Variants in NLGN1 observed in about 807,000 individuals in gnomAD.
NLGN1 encodes neuroligin 1.
A neutral mutation model predicts 65.5 loss-of-function variants in NLGN1; 12 were observed. The observed-to-expected ratio is 0.18, with a 90% CI of 0.12 to 0.30. NLGN1 has a LOEUF of 0.30. Ranked by LOEUF, NLGN1 falls within the 10% of genes least tolerant of loss-of-function variation. The pLI is 1.00. For missense variants in NLGN1, 750 were observed against 1,007.1 expected, an observed-to-expected ratio of 0.74 and a Z score of 3.46; for synonymous variants, 350 against 359.5, an observed-to-expected ratio of 0.97 and a Z score of 0.30.
chr3:173,518,161 C>A (rs961409972), intron 2 of NLGN1, among the ~76,000 whole-genome samples: 1 of 152,154 alleles, frequency 6.6e-6, no homozygotes, highest in Non-Finnish European at 1.5e-5. Context: ...CAGTGTGTTA[C>A]CAGACAAATT....
chr3:173,732,278 A>G (rs374736088), intron 3 of NLGN1, among the ~76,000 whole-genome samples: 1 of 152,266 alleles, frequency 6.6e-6, no homozygotes. Context: ...CCACTCTGAT[A>G]CAGTGTGAGG....
chr3:173,557,685 A>G (rs895040937), intron 2 of NLGN1, among the ~76,000 whole-genome samples: 1 of 152,120 alleles, frequency 6.6e-6, no homozygotes, highest in African/African-American at 2.4e-5. Flanking sequence ...ACCACTTCAC[A>G]TATAATACCA....
chr3:174,009,981 A>G (rs989534983), intron 4 of NLGN1, among the ~76,000 whole-genome samples: 15 of 152,188 alleles, frequency 9.9e-5, no homozygotes, highest in African/African-American at 3.6e-4. Context: ...TGGTAAGGTT[A>G]GAGAGAAGAT....
chr3:174,195,698 T>C (rs1733280623), intron 4 of NLGN1, among the ~76,000 whole-genome samples: 1 of 152,136 alleles, frequency 6.6e-6, no homozygotes, highest in African/African-American at 2.4e-5. Context: ...CATGCTTCAC[T>C]AAGTTGGAAG....
At chr3:173,661,388 A>G (rs754275297) in intron 3 of NLGN1, among the ~76,000 whole-genome samples, 30 of 151,970 alleles carry the variant, frequency 2.0e-4, no homozygotes, top group Non-Finnish European at 3.4e-4. Context: ...TCCATGGCTC[A>G]TAGGTGGGAG....
intron 3 of NLGN1, chr3:173,685,921 T>C: frequency 3.5e-6 from 2 of 566,420 alleles, no homozygotes; most frequent in Non-Finnish European, 4.5e-6. Context: ...AAAACCTGAA[T>C]TTATGATGTG....
At chr3:173,852,754 T>A (rs1727220751) in intron 4 of NLGN1, among the ~76,000 whole-genome samples, 2 of 152,200 alleles carry the variant, frequency 1.3e-5, no homozygotes, top group African/African-American at 4.8e-5. Context: ...ACATTTTCTA[T>A]ATTCTAGTGG....
chr3:173,434,890 C>T (rs1300161672), intron 1 of NLGN1: 1 of 152,578 alleles, frequency 6.6e-6, no homozygotes, highest in East Asian at 1.9e-4. Context: ...GTCATTTGGT[C>T]TAATGTAAAA....
intron 3 of NLGN1, among the ~76,000 whole-genome samples, chr3:173,734,659 C>T (rs1303147575): frequency 6.6e-6 from 1 of 151,886 alleles, no homozygotes; most frequent in African/African-American, 2.4e-5. Context: ...CTGCTTCTGC[C>T]TTCCAAAGTG....
exon 3 of NLGN1, chr3:173,604,336 C>T: frequency 2.3e-6 from 1 of 440,026 alleles, no homozygotes; most frequent in Middle Eastern, 5.9e-4. Flanking sequence ...GCAGTCAATG[C>T]CCACTCTTGC....
chr3:173,975,996 AT>A (rs1366966736), intron 4 of NLGN1, among the ~76,000 whole-genome samples: 1 of 152,020 alleles, frequency 6.6e-6, no homozygotes, highest in Non-Finnish European at 1.5e-5. Flanking sequence ...CTAACTGACT[AT>A]TTATCTACTA....
chr3:174,195,089 G>A (rs923067659), intron 4 of NLGN1, among the ~76,000 whole-genome samples: 1 of 151,994 alleles, frequency 6.6e-6, no homozygotes, highest in African/African-American at 2.4e-5. Context: ...TCGAACTCCC[G>A]ACCTCAGGTC....
intron 2 of NLGN1, among the ~76,000 whole-genome samples, chr3:173,506,646 A>C (rs1560355270): frequency 6.6e-6 from 1 of 152,118 alleles, no homozygotes; most frequent in Non-Finnish European, 1.5e-5. Context: ...GAGACATATA[A>C]ATACCCATAT....
chr3:174,211,027 C>T (rs1217003558), intron 4 of NLGN1, among the ~76,000 whole-genome samples: 1 of 152,070 alleles, frequency 6.6e-6, no homozygotes. Flanking sequence ...GGAGTCTGTC[C>T]CTTCTGATGT....
intron 3 of NLGN1, among the ~76,000 whole-genome samples, chr3:173,643,465 TAGC>T (rs1757728593): frequency 6.6e-6 from 1 of 152,090 alleles, no homozygotes; most frequent in Non-Finnish European, 1.5e-5. Context: ...AAGAAGATAA[TAGC>T]AGCAGAATTT....
intron 3 of NLGN1, among the ~76,000 whole-genome samples, chr3:173,696,178 A>G (rs1243736417): frequency 6.6e-6 from 1 of 152,176 alleles, no homozygotes; most frequent in Admixed American, 6.5e-5. Context: ...AAAAATGGAA[A>G]TCTATTAGAA....
intron 3 of NLGN1, among the ~76,000 whole-genome samples, chr3:173,649,384 G>A (rs1009182439): frequency 6.6e-6 from 1 of 151,894 alleles, no homozygotes; most frequent in African/African-American, 2.4e-5. Flanking sequence ...CAAGTTACAT[G>A]TCTATGTAAC....
At chr3:174,166,398 T>C (rs2152727134) in intron 4 of NLGN1, among the ~76,000 whole-genome samples, 1 of 152,168 alleles carries the variant, frequency 6.6e-6, no homozygotes, top group South Asian at 2.1e-4. Context: ...TGTGTCTCTA[T>C]TTTTATTTCA....
At chr3:173,626,238 T>G (rs959789861) in intron 3 of NLGN1, among the ~76,000 whole-genome samples, 3 of 152,190 alleles carry the variant, frequency 2.0e-5, no homozygotes, top group Admixed American at 6.5e-5. Context: ...TATGATTAAT[T>G]GCTACCATTT....
Sources: gnomAD v4.1 joint callset for allele counts (sites outside exome capture counted in the v4.1 genomes callset) on GRCh38, gnomAD v4.1.1 for gene constraint, MANE v1.5 for transcripts, NCBI Gene and HGNC (gene_info 2026-07-23, HGNC 2026-07-21) for gene names.